The following CSMD1 variants were observed in gnomAD, a reference collection of about 807,000 sequenced individuals.
CSMD1 encodes the protein CUB and sushi domain-containing protein 1.
Under a neutral mutation model 417.5 loss-of-function variants are expected in CSMD1, and 213 were observed. The ratio of observed to expected loss-of-function variants is 0.51; its 90% CI spans 0.46 to 0.57. CSMD1 has a LOEUF of 0.57. Among genes scored for constraint, CSMD1 ranks in the 20% least tolerant of loss-of-function variants. CSMD1 has a pLI of 0.00. For missense variants in CSMD1, 6,923 were observed against 4,529.7 expected (o/e 1.53, Z -15.17); for synonymous variants, 2,862 against 1,736.8 (o/e 1.65, Z -16.11).
chr8:4,471,500 T>C (rs193088223), intron 2 of CSMD1, among the ~76,000 whole-genome samples: 2 of 152,270 alleles, frequency 1.3e-5, no homozygotes, highest in East Asian at 1.9e-4. Flanking sequence ...CATGGCTCAG[T>C]GTCTGGGTGG....
intron 5 of CSMD1, among the ~76,000 whole-genome samples, chr8:3,869,108 C>T (rs1370334794): frequency 1.3e-5 from 2 of 152,188 alleles, no homozygotes; most frequent in Non-Finnish European, 2.9e-5. Flanking sequence ...TGTCACTCTC[C>T]TTGTTCACAA....
intron 3 of CSMD1, among the ~76,000 whole-genome samples, chr8:4,097,787 G>T (rs535569314): frequency 6.6e-6 from 1 of 152,172 alleles, no homozygotes; most frequent in Admixed American, 6.5e-5. Flanking sequence ...ATTAGTTTTA[G>T]CATGATTACA....
intron 10 of CSMD1, among the ~76,000 whole-genome samples, chr8:3,511,297 T>C (rs1398965442): frequency 2.6e-5 from 4 of 151,620 alleles, no homozygotes; most frequent in South Asian, 2.1e-4. Flanking sequence ...GGTTGATGGA[T>C]ACAGCAAACC....
chr8:3,300,572 A>C (rs1231207796), intron 25 of CSMD1, among the ~76,000 whole-genome samples: 1 of 152,176 alleles, frequency 6.6e-6, no homozygotes, highest in African/African-American at 2.4e-5. Context: ...CCAGCAAACA[A>C]ATTTCCTAGG....
chr8:4,278,038 C>T (rs939857666), intron 3 of CSMD1, among the ~76,000 whole-genome samples: 35 of 152,208 alleles, frequency 2.3e-4, no homozygotes, highest in African/African-American at 7.5e-4. Flanking sequence ...TGAGCCACGG[C>T]GCCCAACCCC....
At chr8:4,286,583 C>T (rs939070882) in intron 3 of CSMD1, among the ~76,000 whole-genome samples, 8 of 152,182 alleles carry the variant, frequency 5.3e-5, no homozygotes, top group South Asian at 4.2e-4. Context: ...AAAACCAGCA[C>T]CTGATAGCCT....
At chr8:3,460,208 G>A (rs73497471) in intron 12 of CSMD1, among the ~76,000 whole-genome samples, 2 of 152,132 alleles carry the variant, frequency 1.3e-5, no homozygotes, top group African/African-American at 4.8e-5. Context: ...TCTGAGATGA[G>A]ACGGGAAGAT....
chr8:4,569,545 T>G (rs971585659), intron 2 of CSMD1, among the ~76,000 whole-genome samples: 1 of 152,126 alleles, frequency 6.6e-6, no homozygotes, highest in East Asian at 1.9e-4. Context: ...CAGTTACTCT[T>G]GTCTTGTAAT....
At chr8:4,126,144 C>T (rs1417295569) in intron 3 of CSMD1, among the ~76,000 whole-genome samples, 2 of 152,098 alleles carry the variant, frequency 1.3e-5, no homozygotes, top group Admixed American at 1.3e-4. Context: ...CCTGACCAGT[C>T]AGCACTACCC....
intron 3 of CSMD1, among the ~76,000 whole-genome samples, chr8:4,043,840 CA>C (rs1798014947): frequency 6.6e-6 from 1 of 152,236 alleles, no homozygotes; most frequent in African/African-American, 2.4e-5. Context: ...ATTCCAATTT[CA>C]CATACAAAAA....
In CSMD1 at chr8:3,667,916, G is replaced by A. The variant is rs117521676; in HGVS notation, c.1009+40498C>T. On this transcript the variant is annotated intron_variant, in intron 7 of 69. Coordinates refer to ENST00000635120, the MANE Select transcript of CSMD1 (RefSeq NM_033225.6). ...GATCATCAAAGACTCTGTATGTTGC[G>A]GAGACACCACTGGTGCCAATTCACC... 6.4e-3 allele frequency among the ~76,000 whole-genome samples: 971 copies of A among 152,174 alleles called. 39 individuals carry two copies. The East Asian group carries it at 0.12, about 19-fold the overall frequency.
chr8:4,080,605 C>G (rs556667142), intron 3 of CSMD1, among the ~76,000 whole-genome samples: 2 of 152,224 alleles, frequency 1.3e-5, no homozygotes, highest in African/African-American at 2.4e-5. Context: ...TTTTTATATT[C>G]CTTTCTGGAG....
At chr8:3,475,714 C>G (rs942913235) in intron 11 of CSMD1, among the ~76,000 whole-genome samples, 3 of 152,190 alleles carry the variant, frequency 2.0e-5, no homozygotes, top group African/African-American at 7.2e-5. Context: ...CGATGTTGAA[C>G]TGAAATCAAC....
At chr8:3,347,050 C>T (rs1347361136) in intron 22 of CSMD1, among the ~76,000 whole-genome samples, 4 of 152,162 alleles carry the variant, frequency 2.6e-5, no homozygotes, top group South Asian at 2.1e-4. Context: ...GCATAAAATG[C>T]ACTAACACTA....
At chr8:3,898,033 T>G (rs982492983) in intron 5 of CSMD1, among the ~76,000 whole-genome samples, 2 of 152,190 alleles carry the variant, frequency 1.3e-5, no homozygotes, top group African/African-American at 4.8e-5. Context: ...GACAATGCTA[T>G]TCTTACCACC....
intron 3 of CSMD1, among the ~76,000 whole-genome samples, chr8:4,340,868 T>C (rs559817790): frequency 2.6e-5 from 4 of 152,206 alleles, no homozygotes; most frequent in Admixed American, 2.6e-4. Flanking sequence ...CTATTTTTGA[T>C]ATTAACTATT....
At chr8:4,358,795 A>G (rs2163308) in intron 3 of CSMD1, among the ~76,000 whole-genome samples, 120,266 of 152,120 alleles carry the variant, frequency 0.79, 47,905 homozygotes, top group African/African-American at 0.89. Context: ...CAGCCAAGGC[A>G]AGGGTAAACA....
intron 18 of CSMD1, 137 bp from the exon 19 acceptor site, chr8:3,369,507 C>T (rs1809813545): frequency 1.7e-6 from 1 of 594,928 alleles, no homozygotes; most frequent in African/African-American, 1.9e-5. Flanking sequence ...CCAAGCAGAA[C>T]CTGAGCTTTA....
At chr8:3,673,267 T>C (rs558918142) in intron 7 of CSMD1, among the ~76,000 whole-genome samples, 11 of 152,324 alleles carry the variant, frequency 7.2e-5, no homozygotes, top group Admixed American at 2.0e-4. Flanking sequence ...ATGCTCTTTG[T>C]CCTCTTTTTC....
Sources: allele counts gnomAD v4.1 joint callset (sites outside exome capture counted in the v4.1 genomes callset), GRCh38; gene constraint gnomAD v4.1.1; transcripts MANE v1.5; gene names NCBI Gene and HGNC (gene_info 2026-07-23, HGNC 2026-07-21).